CLEC20A: variants seen among roughly 807,000 people sequenced by gnomAD.
The protein encoded by CLEC20A is C-type lectin domain containing 20A.
intron 5 of CLEC20A, chr1:178,484,768 A>G: frequency 6.6e-6 from 1 of 152,222 alleles, no homozygotes; most frequent in Non-Finnish European, 1.5e-5. Flanking sequence ...AAAGCTGAGC[A>G]TTTTTTAAAA....
At chr1:178,497,764 A>G (rs994740330), upstream of CLEC20A, among the ~76,000 whole-genome samples, 3 of 152,202 alleles carry the variant, frequency 2.0e-5, no homozygotes, top group African/African-American at 7.2e-5. Context: ...GCATCTTCAG[A>G]GGTCCTCCTG....
chr1:178,479,236 A>C (rs114327794), downstream of CLEC20A: 72 of 199,620 alleles, frequency 3.6e-4, no homozygotes, highest in African/African-American at 1.6e-3. Context: ...GTTTGTTTTC[A>C]GGATTTTTGA....
intron 7 of CLEC20A, 66 bp downstream of exon 7, chr1:178,482,246 T>G (rs931886031): frequency 1.5e-5 from 6 of 398,228 alleles, no homozygotes; most frequent in Non-Finnish European, 2.7e-5. Context: ...TATATTGGTT[T>G]TTATAAGATT....
intron 3 of CLEC20A, among the ~76,000 whole-genome samples, chr1:178,491,651 G>A (rs1471192069): frequency 6.6e-6 from 1 of 152,098 alleles, no homozygotes; most frequent in Non-Finnish European, 1.5e-5. Context: ...GGAAGCCCAC[G>A]CCATCTTCAC....
intron 7 of CLEC20A, chr1:178,480,993 A>G (rs1226408073): frequency 1.3e-5 from 2 of 152,122 alleles, no homozygotes; most frequent in African/African-American, 4.8e-5. Flanking sequence ...TCAGCACTGA[A>G]GTCTTATTAC....
At chr1:178,499,255 A>G (rs1264701206), upstream of CLEC20A, among the ~76,000 whole-genome samples, 1 of 152,242 alleles carries the variant, frequency 6.6e-6, no homozygotes, top group Non-Finnish European at 1.5e-5. Flanking sequence ...CAAGCCCAAC[A>G]AAACCTTTCA....
downstream of CLEC20A, chr1:178,478,809 G>A (rs1343982047): frequency 6.6e-6 from 1 of 152,064 alleles, no homozygotes; most frequent in East Asian, 1.9e-4. Flanking sequence ...GTCTTTTATT[G>A]ATATTCCTAC....
upstream of CLEC20A, among the ~76,000 whole-genome samples, chr1:178,499,147 A>G (rs1006319804): frequency 3.3e-5 from 5 of 152,222 alleles, no homozygotes; most frequent in South Asian, 2.1e-4. Context: ...CCCTGAGGGC[A>G]GCACTTGGAA....
intron 1 of CLEC20A, among the ~76,000 whole-genome samples, chr1:178,495,128 C>T (rs1044699322): frequency 2.6e-5 from 4 of 152,216 alleles, no homozygotes; most frequent in African/African-American, 4.8e-5. Context: ...AGGTGAGGTG[C>T]CTTTCCTACA....
chr1:178,483,344 T>C (rs1420634853), intron 5 of CLEC20A, 62 bp from the exon 6 acceptor site: 2 of 398,078 alleles, frequency 5.0e-6, no homozygotes, highest in East Asian at 3.6e-5. Context: ...TGGCCTGATA[T>C]TGGTGACTGC....
chr1:178,481,128 A>G (rs1648972639), intron 7 of CLEC20A: 1 of 152,174 alleles, frequency 6.6e-6, no homozygotes, highest in African/African-American at 2.4e-5. Flanking sequence ...GCTCGTGTGA[A>G]TTTTCCAAAA....
chr1:178,492,799 A>C (rs1475901134), intron 2 of CLEC20A, among the ~76,000 whole-genome samples: 1 of 152,238 alleles, frequency 6.6e-6, no homozygotes, highest in Non-Finnish European at 1.5e-5. Context: ...TTGCTCTTGA[A>C]GAGAATATGA....
At chr1:178,488,200 A>G (rs1468957629) in intron 5 of CLEC20A, among the ~76,000 whole-genome samples, 1 of 152,158 alleles carries the variant, frequency 6.6e-6, no homozygotes, top group African/African-American at 2.4e-5. Context: ...CACCTGAGAG[A>G]CCGTACGGCC....
rs571586399 is a variant in CLEC20A, at chr1:178,494,576, T to C, written c.275A>G (p.Glu92Gly). ...AAATTCAGGTAGCTTCTGGCCCCAC[T>C]CCAGGGCTGTGAAGGTGGAGCCGCT... The change falls in exon 2 of 8, where the codon GAG becomes GGG. Residue 92 changes from glutamate (E) to glycine (G), a missense_variant. Coordinates refer to ENST00000623247, the Ensembl canonical transcript of CLEC20A. 48 of 399,342 alleles carry C rather than the reference T, an allele frequency of 1.2e-4. No individual in the cohort carries two copies. The East Asian group carries it at 1.5e-3, about 12-fold the overall frequency. 24.7% of individuals were successfully genotyped at this position (399,342 alleles called of 1,614,324 possible).
chr1:178,491,157 G>A (rs1199644691), intron 3 of CLEC20A, among the ~76,000 whole-genome samples: 2 of 152,204 alleles, frequency 1.3e-5, no homozygotes, highest in African/African-American at 4.8e-5. Context: ...GACTGGGCCA[G>A]GTCCTGAGGT....
intron 7 of CLEC20A, chr1:178,481,982 A>G: frequency 4.7e-6 from 1 of 210,796 alleles, no homozygotes; most frequent in Non-Finnish European, 9.4e-6. Context: ...CAGAAAGACT[A>G]AGTTACTTGC....
At chr1:178,489,444 A>G (rs770427730) in intron 4 of CLEC20A, among the ~76,000 whole-genome samples, 32 of 152,218 alleles carry the variant, frequency 2.1e-4, no homozygotes, top group Admixed American at 5.9e-4. Context: ...AACTTACAAA[A>G]AAGAGAGAGG....
intron 5 of CLEC20A, chr1:178,486,571 G>A (rs1418254365): frequency 2.5e-6 from 1 of 398,586 alleles, no homozygotes; most frequent in Non-Finnish European, 4.4e-6. Context: ...GCTTTCTTTG[G>A]TCCCCAGAGA....
chr1:178,494,782 G>C (rs1283350886), exon 2 of CLEC20A: 1 of 399,244 alleles, frequency 2.5e-6, no homozygotes, highest in Non-Finnish European at 4.4e-6. Flanking sequence ...CCAGAACCAA[G>C]TCCCTCTTAC....
Sources: gnomAD v4.1 joint callset for allele counts (sites outside exome capture counted in the v4.1 genomes callset) on GRCh38, gnomAD v4.1.1 for gene constraint, MANE v1.5 for transcripts, NCBI Gene and HGNC (gene_info 2026-07-23, HGNC 2026-07-21) for gene names.